The following DNAH11 variants were observed in gnomAD, a reference collection of about 807,000 sequenced individuals.
The protein encoded by DNAH11 is dynein axonemal heavy chain 11.
A neutral mutation model predicts 526.0 loss-of-function variants in DNAH11; 442 were observed. The ratio of observed to expected loss-of-function variants is 0.84; its 90% CI spans 0.78 to 0.91. DNAH11 has a LOEUF of 0.91. Ranked by LOEUF, DNAH11 falls within the 40% of genes least tolerant of loss-of-function variation. The probability of loss-of-function intolerance (pLI) is 0.00; values close to 1 mark genes in which losing one functional copy is unlikely to be tolerated. For missense variants in DNAH11, 6,989 were observed against 5,448.7 expected (o/e 1.28, Z -8.90); for synonymous variants, 2,461 against 1,935.9 (o/e 1.27, Z -7.12).
At chr7:21,880,681 A>G (rs1345196562) in intron 74 of DNAH11, 21 bp from the exon 75 acceptor site, 3 of 1,612,640 alleles carry the variant, frequency 1.9e-6, no homozygotes, top group African/African-American at 2.7e-5. Flanking sequence ...ATAATCAAGC[A>G]TTTCTTCTCT....
chr7:21,813,285 G>A (rs914973770), intron 63 of DNAH11, among the ~76,000 whole-genome samples: 2 of 152,192 alleles, frequency 1.3e-5, no homozygotes, highest in African/African-American at 2.4e-5. Flanking sequence ...TTTATAGACA[G>A]AGCAAATACA....
intron 45 of DNAH11, among the ~76,000 whole-genome samples, chr7:21,728,469 GGC>G (rs1583634783): frequency 6.6e-6 from 1 of 151,890 alleles, no homozygotes; most frequent in East Asian, 1.9e-4. Context: ...ATGTTGGCCA[GGC>G]TGGTCTTGAA....
intron 28 of DNAH11, among the ~76,000 whole-genome samples, chr7:21,652,118 C>T (rs145941189): frequency 1.4e-4 from 21 of 152,194 alleles, no homozygotes; most frequent in Non-Finnish European, 2.4e-4. Context: ...AGAGAGCTGA[C>T]GGACAGTGAT....
intron 28 of DNAH11, among the ~76,000 whole-genome samples, chr7:21,653,724 C>T (rs147119131): frequency 9.9e-5 from 15 of 152,210 alleles, no homozygotes; most frequent in African/African-American, 1.4e-4. Context: ...AGGCAGCTAC[C>T]GCTCTATCTG....
chr7:21,859,698 A>C (rs1276667662), intron 68 of DNAH11, among the ~76,000 whole-genome samples: 1 of 152,134 alleles, frequency 6.6e-6, no homozygotes, highest in Non-Finnish European at 1.5e-5. Flanking sequence ...ATATTTTTAT[A>C]TTGATGGCTA....
intron 61 of DNAH11, among the ~76,000 whole-genome samples, chr7:21,800,220 G>C (rs995579951): frequency 6.6e-6 from 1 of 151,976 alleles, no homozygotes; most frequent in Non-Finnish European, 1.5e-5. Context: ...GGTTTTTTCT[G>C]TGCCCCAGTG....
In DNAH11 at chr7:21,880,835, C is replaced by T; in HGVS notation, c.12329C>T (p.Pro4110Leu). 1 of 1,613,862 alleles carries T rather than the reference C, an allele frequency of 6.2e-7. No homozygotes were observed. The highest frequency in any genetic ancestry group is 8.5e-7 in the Non-Finnish European group (1 of 1,179,864). The change falls in exon 75 of 82, where the codon CCT becomes CTT. Residue 4110 changes from proline to leucine, a missense_variant. Coordinates refer to ENST00000409508, the MANE Select transcript of DNAH11 (RefSeq NM_001277115.2). The stretch of plus-strand genomic sequence containing the variant: ...TGGAGCCGAAGCTATCCTTTTAATC[C>T]TGGAGACCTCACCATTTGTGCCAGT... ...QGWSRSYPFN[P>L]GDLTICASVL...
At chr7:21,725,195 C>A (rs1050378112) in intron 44 of DNAH11, among the ~76,000 whole-genome samples, 1 of 152,136 alleles carries the variant, frequency 6.6e-6, no homozygotes, top group Non-Finnish European at 1.5e-5. Flanking sequence ...TCAGCTGGAC[C>A]CCTTAGATTT....
At chr7:21,580,493 T>C (rs1273274380) in intron 8 of DNAH11, among the ~76,000 whole-genome samples, 1 of 152,210 alleles carries the variant, frequency 6.6e-6, no homozygotes, top group Non-Finnish European at 1.5e-5. Context: ...GCCCTCTGTT[T>C]AGGTTGCTAT....
At chr7:21,862,676 A>C (rs1259746096) in intron 69 of DNAH11, among the ~76,000 whole-genome samples, 1 of 152,246 alleles carries the variant, frequency 6.6e-6, no homozygotes, top group Non-Finnish European at 1.5e-5. Context: ...AAATGACAGC[A>C]GTGACTAGGT....
chr7:21,795,173 T>G (rs1788656648), intron 61 of DNAH11, among the ~76,000 whole-genome samples: 1 of 152,232 alleles, frequency 6.6e-6, no homozygotes, highest in African/African-American at 2.4e-5. Context: ...AGGTTAATTT[T>G]TTTTACATTT....
At chr7:21,635,259 C>T (rs1159110738) in intron 25 of DNAH11, among the ~76,000 whole-genome samples, 1 of 152,136 alleles carries the variant, frequency 6.6e-6, no homozygotes. Flanking sequence ...CGGGTTCACA[C>T]CGTTCTCCTG....
chr7:21,591,349 C>A lies in DNAH11; in HGVS notation c.2439C>A (p.Ile813=), dbSNP rs777520840. Reference sequence around the variant, plus strand: ...GGCAGGATGACTGCTGGGGCTACATCGAGAGGGTGAGGGCAGCCACGTCCG... The same window carrying A: ...GGCAGGATGACTGCTGGGGCTACATAGAGAGGGTGAGGGCAGCCACGTCCG... ...LTWQDDCWGY[I]ERVRAATSEL... is the part of the protein sequence containing the mutation. Residue 813 remains isoleucine, a synonymous_variant, in exon 14 of 82, where the codon ATC becomes ATA. Coordinates refer to ENST00000409508, the MANE Select transcript of DNAH11 (RefSeq NM_001277115.2). The A allele has an allele frequency of 6.2e-7, 1 of 1,613,696 alleles. No homozygotes were observed. Among genetic ancestry groups the A allele is most frequent in the South Asian group, 1.1e-5 (1 of 91,062 alleles).
intron 64 of DNAH11, among the ~76,000 whole-genome samples, chr7:21,817,764 T>A (rs1244799771): frequency 6.6e-6 from 1 of 152,062 alleles, no homozygotes; most frequent in African/African-American, 2.4e-5. Context: ...GGAGATATTT[T>A]GTGGAAAGTA....
chr7:21,761,659 C>G (rs779387924), intron 54 of DNAH11, among the ~76,000 whole-genome samples: 2 of 152,168 alleles, frequency 1.3e-5, no homozygotes, highest in African/African-American at 2.4e-5. Flanking sequence ...TTCCAACCAG[C>G]TCCTAGACAG....
intron 63 of DNAH11, among the ~76,000 whole-genome samples, chr7:21,815,261 A>T (rs1291177716): frequency 6.6e-6 from 1 of 152,148 alleles, no homozygotes; most frequent in Non-Finnish European, 1.5e-5. Flanking sequence ...GTAACAAACT[A>T]AAGCACATAC....
chr7:21,547,333 A>G (rs1038013602), intron 2 of DNAH11, among the ~76,000 whole-genome samples: 3 of 152,346 alleles, frequency 2.0e-5, no homozygotes, highest in Non-Finnish European at 4.4e-5. Context: ...AAACACATTT[A>G]TCCTTCCAAA....
intron 28 of DNAH11, among the ~76,000 whole-genome samples, chr7:21,648,070 A>AAT (rs1201763602): frequency 6.6e-6 from 1 of 152,184 alleles, no homozygotes; most frequent in Non-Finnish European, 1.5e-5. Flanking sequence ...ACATTGAAAT[A>AAT]ATATATATGT....
chr7:21,564,093 T>G, intron 5 of DNAH11, 93 bp from the exon 6 acceptor site: 1 of 863,838 alleles, frequency 1.2e-6, no homozygotes, highest in South Asian at 2.1e-5. Flanking sequence ...GTGGCCATGT[T>G]GTTTTACGTG....
Sources: gnomAD v4.1 joint callset for allele counts (sites outside exome capture counted in the v4.1 genomes callset) on GRCh38, gnomAD v4.1.1 for gene constraint, MANE v1.5 for transcripts, NCBI Gene and HGNC (gene_info 2026-07-23, HGNC 2026-07-21) for gene names.